ZDHHC3: variants seen among roughly 807,000 people sequenced by gnomAD.
The protein encoded by ZDHHC3 is zDHHC palmitoyltransferase 3, also known as palmitoyltransferase ZDHHC3.
In ZDHHC3, 9 loss-of-function variants were observed where a neutral mutation model predicts 30.6. The observed-to-expected ratio is 0.29, with a 90% CI of 0.18 to 0.51. The LOEUF (loss-of-function observed/expected upper bound fraction) is 0.51. Ranked by LOEUF, ZDHHC3 falls within the 20% of genes least tolerant of loss-of-function variation. ZDHHC3 has a pLI of 0.97. For missense variants in ZDHHC3, 246 were observed against 384.2 expected (o/e 0.64, Z 3.01); for synonymous variants, 136 against 140.2 (o/e 0.97, Z 0.21).
chr3:44,918,974 G>C lies in ZDHHC3; in HGVS notation c.*7715C>G. On this transcript the variant is annotated 3_prime_UTR_variant, in exon 7 of 7. Coordinates refer to ENST00000424952, the MANE Select transcript of ZDHHC3 (RefSeq NM_001135179.2). Reference sequence around the variant, plus strand: ...TTCTCCATCTCTTCTGGAAGCCAAGGGAATTTGCTGTGGGTTTGCTGGGCT... The same window carrying C: ...TTCTCCATCTCTTCTGGAAGCCAAGCGAATTTGCTGTGGGTTTGCTGGGCT... The C allele has an allele frequency of 1.0e-6, 1 of 985,566 alleles. No individual in the cohort carries two copies. Among genetic ancestry groups the C allele is most frequent in the Non-Finnish European group, 1.2e-6 (1 of 830,040 alleles). 61.1% of individuals were successfully genotyped at this position (985,566 alleles called of 1,614,324 possible).
At chr3:44,944,319 T>C (rs1379711181) in intron 3 of ZDHHC3, among the ~76,000 whole-genome samples, 1 of 152,196 alleles carries the variant, frequency 6.6e-6, no homozygotes, top group Non-Finnish European at 1.5e-5. Flanking sequence ...GCTAATTTTG[T>C]ATCTTTAGTA....
At position 44,920,148 on chromosome 3, in the gene ZDHHC3, G is replaced by A; in HGVS notation, c.*6541C>T. ...TACTTTTATAATCAGAACAAAAATA[G>A]TTGTTTCAGAAAATGGATCTTGTTG... is the stretch of plus-strand genomic sequence containing the variant. On this transcript the variant is annotated 3_prime_UTR_variant, in exon 7 of 7. Coordinates refer to ENST00000424952, the MANE Select transcript of ZDHHC3 (RefSeq NM_001135179.2). 7.9e-7 allele frequency: 1 copy of A among 1,265,470 alleles called. No individual in the cohort carries two copies. The highest frequency in any genetic ancestry group is 2.4e-5 in the Admixed American group (1 of 41,356). 78.4% of individuals were successfully genotyped at this position (1,265,470 alleles called of 1,614,324 possible).
Position 44,925,821 on chromosome 3 carries a change from A to G in ZDHHC3, c.*868T>C, listed in dbSNP as rs1024882155. Reference sequence around the variant, plus strand: ...GGTGCCTATTGCAGTCAGAATTCACACTGCTTAATTGACATCTTGCTGGGG... The same window carrying G: ...GGTGCCTATTGCAGTCAGAATTCACGCTGCTTAATTGACATCTTGCTGGGG... On this transcript the variant is annotated 3_prime_UTR_variant, in exon 7 of 7. Transcript: ENST00000424952. 6 of 985,866 alleles carry G rather than the reference A, an allele frequency of 6.1e-6. No individual in the cohort carries two copies. The highest frequency in any genetic ancestry group is 7.2e-6 in the Non-Finnish European group (6 of 829,940). The allele number at this position is 985,866 out of a possible 1,614,324, so 61.1% of individuals were successfully genotyped here.
intron 1 of ZDHHC3, among the ~76,000 whole-genome samples, chr3:44,961,014 G>A (rs1386246603): frequency 3.9e-5 from 6 of 152,216 alleles, no homozygotes; most frequent in Admixed American, 1.3e-4. Context: ...GTGCTATTAC[G>A]TATTTGCCCA....
chr3:44,958,765 C>T lies in ZDHHC3; in HGVS notation c.306+366G>A, dbSNP rs150901214. The T allele has an allele frequency of 8.2e-5, 99 of 1,200,806 alleles. 1 individual carries two copies. In the African/African-American group the frequency reaches 1.1e-3, roughly 13 times the overall value. The allele number at this position is 1,200,806 out of a possible 1,614,324, so 74.4% of individuals were successfully genotyped here. A position where few individuals can be genotyped will look rare whatever the true frequency, so the allele number is the denominator to read the frequency against. ...ACTGGGAAGCCCAATCCTGACCCAA[C>T]CCTCCAGCATGCTTTCTGCTCTGAT... On this transcript the variant is annotated intron_variant, in intron 2 of 6. Transcript: ENST00000424952.
chr3:44,953,461 T>C (rs775949419), intron 2 of ZDHHC3, among the ~76,000 whole-genome samples: 5 of 152,134 alleles, frequency 3.3e-5, no homozygotes, highest in Non-Finnish European at 5.9e-5. Flanking sequence ...CAATGGAAAG[T>C]AGTGGAGACA....
Position 44,923,237 on chromosome 3 carries a change from A to G in ZDHHC3, c.*3452T>C, listed in dbSNP as rs1700735601. ...ACTACAGACGCCTGCCACCACGCCC[A>G]GCTAATTTTTTTATATTTTTAGTAG... On this transcript the variant is annotated 3_prime_UTR_variant, in exon 7 of 7. Coordinates refer to ENST00000424952, the MANE Select transcript of ZDHHC3 (RefSeq NM_001135179.2). 1 of 839,906 alleles carries G rather than the reference A, an allele frequency of 1.2e-6. No individual in the cohort carries two copies. The highest frequency in any genetic ancestry group is 6.2e-5 in the Admixed American group (1 of 16,038). 52.0% of individuals were successfully genotyped at this position (839,906 alleles called of 1,614,324 possible).
intron 3 of ZDHHC3, among the ~76,000 whole-genome samples, chr3:44,943,521 C>G (rs1464792824): frequency 1.3e-5 from 2 of 152,166 alleles, no homozygotes; most frequent in Non-Finnish European, 2.9e-5. Context: ...GAAAGACAGG[C>G]AGCAAGGCCA....
intron 1 of ZDHHC3, among the ~76,000 whole-genome samples, chr3:44,960,322 G>T (rs1408087467): frequency 6.6e-6 from 1 of 152,212 alleles, no homozygotes. Flanking sequence ...TATGAAGGTT[G>T]AGGGAACTGG....
chr3:44,943,108 A>G (rs1386642394), intron 3 of ZDHHC3, among the ~76,000 whole-genome samples: 2 of 152,168 alleles, frequency 1.3e-5, no homozygotes, highest in Non-Finnish European at 2.9e-5. Context: ...GCCCCTACCC[A>G]GGCTCCTCAG....
At position 44,932,865 on chromosome 3, in the gene ZDHHC3, C is replaced by T. The variant is rs775778655; in HGVS notation, c.610+253G>A. On this transcript the variant is annotated intron_variant, in intron 5 of 6. Transcript: ENST00000424952. The stretch of plus-strand genomic sequence containing the variant: ...TTGGGGCCTGCATTCTCCCTGGGCA[C>T]GCTCAGTCCAGAGGGTCTGTCTGTC... 5.1e-5 allele frequency: 82 copies of T among 1,598,876 alleles called. 1 individual carries two copies. Among genetic ancestry groups the T allele is most frequent in the Admixed American group, 3.8e-4 (23 of 59,980 alleles).
chr3:44,938,171 A>G, intron 3 of ZDHHC3: 1 of 202,656 alleles, frequency 4.9e-6, no homozygotes, highest in Admixed American at 5.3e-5. Context: ...TTTAGTGGAG[A>G]CGGGGTTTCA....
rs1287445318 is a variant in ZDHHC3 at position 44,922,754 on chromosome 3, C to T, written c.*3935G>A. 3.0e-6 allele frequency: 3 copies of T among 984,608 alleles called. No individual in the cohort carries two copies. Among genetic ancestry groups the T allele is most frequent in the Non-Finnish European group, 3.6e-6 (3 of 829,366 alleles). The allele number at this position is 984,608 out of a possible 1,614,324, so 61.0% of individuals were successfully genotyped here. The stretch of plus-strand genomic sequence containing the variant: ...CCCCGCTCGGTTTCTGGTTCGGTAG[C>T]CTGGGGTGGGGACCGAGAATGTGCA... On this transcript the variant is annotated 3_prime_UTR_variant, in exon 7 of 7. Coordinates refer to ENST00000424952, the MANE Select transcript of ZDHHC3 (RefSeq NM_001135179.2).
rs911472718 is a variant in ZDHHC3, at chr3:44,927,515, G to C, written c.742-668C>G. Among the ~76,000 whole-genome samples the C allele has an allele frequency of 8.5e-5, 13 of 152,328 alleles. No individual in the cohort carries two copies. In the East Asian group the frequency reaches 2.5e-3, roughly 29 times the overall value. On this transcript the variant is annotated intron_variant, in intron 6 of 6. Coordinates refer to ENST00000424952, the MANE Select transcript of ZDHHC3 (RefSeq NM_001135179.2). Reference sequence around the variant, plus strand: ...GAGAAGTCACCAGAGGAGGAAGGAGGAGGGATTAGTACAGGTTAGAGGGTG... The same window carrying C: ...GAGAAGTCACCAGAGGAGGAAGGAGCAGGGATTAGTACAGGTTAGAGGGTG...
chr3:44,931,903 C>G (rs1701523863), intron 5 of ZDHHC3, among the ~76,000 whole-genome samples: 1 of 152,174 alleles, frequency 6.6e-6, no homozygotes. Flanking sequence ...AAGGGCGAAA[C>G]AATGCACTGC....
At position 44,926,570 on chromosome 3, in the gene ZDHHC3, T is replaced by G. The variant is rs1701008380; in HGVS notation, c.*119A>C. 6.3e-6 allele frequency: 8 copies of G among 1,270,762 alleles called. No homozygotes were observed. The highest frequency in any genetic ancestry group is 3.1e-5 in the African/African-American group (2 of 65,182). The allele number at this position is 1,270,762 out of a possible 1,614,324, so 78.7% of individuals were successfully genotyped here. ...ATGCTCAGCCATTTTACTTGAGACA[T>G]AAAAAAAGTTTTAAGAGTAGTTGTT... is the stretch of plus-strand genomic sequence containing the variant. On this transcript the variant is annotated 3_prime_UTR_variant, in exon 7 of 7. Coordinates refer to ENST00000424952, the MANE Select transcript of ZDHHC3 (RefSeq NM_001135179.2).
At position 44,925,378 on chromosome 3, in the gene ZDHHC3, ACAAAT is replaced by A; in HGVS notation, c.*1306_*1310del. 1.0e-6 allele frequency: 1 copy of A among 985,838 alleles called. No individual in the cohort carries two copies. Among genetic ancestry groups the A allele is most frequent in the Non-Finnish European group, 1.2e-6 (1 of 829,958 alleles). 61.1% of individuals were successfully genotyped at this position (985,838 alleles called of 1,614,324 possible). On this transcript the variant is annotated 3_prime_UTR_variant, in exon 7 of 7. Transcript: ENST00000424952. ...GGGGTTTCTGGCAATTGCTTAAAAA[ACAAAT>A]CAATGTGTGAGAATTCCCCGATGGT...
chr3:44,947,946 C>A (rs992587518), intron 2 of ZDHHC3, among the ~76,000 whole-genome samples: 1 of 152,166 alleles, frequency 6.6e-6, no homozygotes, highest in Non-Finnish European at 1.5e-5. Context: ...CCTGCTTGGC[C>A]CAGCTCCCAA....
In ZDHHC3 at chr3:44,923,635, C is replaced by T. The variant is rs773885527; in HGVS notation, c.*3054G>A. ...AGGGCAACACAGTGAGACCCTGACT[C>T]TATTAAAAAACAAAAAAATTAGCCA... On this transcript the variant is annotated 3_prime_UTR_variant, in exon 7 of 7. Transcript: ENST00000424952. The T allele has an allele frequency of 1.1e-4, 95 of 872,920 alleles. No individual in the cohort carries two copies. The highest frequency in any genetic ancestry group is 1.3e-4 in the Non-Finnish European group (92 of 727,700). 54.1% of individuals were successfully genotyped at this position (872,920 alleles called of 1,614,324 possible). A position where few individuals can be genotyped will look rare whatever the true frequency, so the allele number is the denominator to read the frequency against.
Sources: allele counts gnomAD v4.1 joint callset (sites outside exome capture counted in the v4.1 genomes callset), GRCh38; gene constraint gnomAD v4.1.1; transcripts MANE v1.5; gene names NCBI Gene and HGNC (gene_info 2026-07-23, HGNC 2026-07-21).